AGBL1: variants seen among roughly 807,000 people sequenced by gnomAD.
AGBL1 encodes the protein AGBL carboxypeptidase 1, also known as cytosolic carboxypeptidase 4.
Under a neutral mutation model 118.9 loss-of-function variants are expected in AGBL1, and 130 were observed. The ratio of observed to expected loss-of-function variants is 1.09; its 90% CI spans 0.95 to 1.26. The LOEUF (loss-of-function observed/expected upper bound fraction) is 1.26, where lower values mean the gene tolerates loss of function less well. Among genes scored for constraint, AGBL1 ranks in the 50% most tolerant of loss-of-function variants. AGBL1 has a pLI of 0.00. For missense variants in AGBL1, 1,584 were observed against 1,298.1 expected (o/e 1.22, Z -3.38); for synonymous variants, 555 against 478.9 (o/e 1.16, Z -2.08).
intron 22 of AGBL1, among the ~76,000 whole-genome samples, chr15:86,903,065 T>G (rs957835013): frequency 7.2e-5 from 11 of 152,138 alleles, no homozygotes; most frequent in Non-Finnish European, 1.3e-4. Context: ...CTACAGGATC[T>G]TAATGTTCTC....
At chr15:86,186,614 A>G (rs1266755713) in intron 5 of AGBL1, among the ~76,000 whole-genome samples, 1 of 152,172 alleles carries the variant, frequency 6.6e-6, no homozygotes, top group Admixed American at 6.5e-5. Flanking sequence ...TTTATTCTCG[A>G]GAGCCAGGCT....
intron 24 of AGBL1, among the ~76,000 whole-genome samples, chr15:87,006,083 T>C (rs2081498514): frequency 6.6e-6 from 1 of 152,112 alleles, no homozygotes; most frequent in Non-Finnish European, 1.5e-5. Context: ...ACCCAGCCGT[T>C]TGAGGTATCA....
chr15:86,081,324 A>G (rs548922937), intron 1 of AGBL1, among the ~76,000 whole-genome samples: 4 of 152,330 alleles, frequency 2.6e-5, no homozygotes, highest in Admixed American at 2.0e-4. Context: ...TACAGGCGTG[A>G]GCCACTGTAC....
At chr15:86,217,731 A>C (rs2078212593) in intron 5 of AGBL1, among the ~76,000 whole-genome samples, 1 of 152,214 alleles carries the variant, frequency 6.6e-6, no homozygotes. Context: ...GTCTTGGAAA[A>C]AGAACAGTGG....
intron 16 of AGBL1, among the ~76,000 whole-genome samples, chr15:86,294,862 G>A (rs1168824898): frequency 6.6e-6 from 1 of 152,086 alleles, no homozygotes; most frequent in African/African-American, 2.4e-5. Flanking sequence ...CCCAAATGAC[G>A]TACATTGTAG....
intron 22 of AGBL1, among the ~76,000 whole-genome samples, chr15:86,758,191 T>A (rs114131454): frequency 1.3e-3 from 195 of 152,186 alleles, no homozygotes; most frequent in African/African-American, 4.6e-3. Flanking sequence ...TGTGATACCA[T>A]AAGACTATTT....
At chr15:86,083,058 A>G (rs892334371) in intron 1 of AGBL1, among the ~76,000 whole-genome samples, 4 of 152,090 alleles carry the variant, frequency 2.6e-5, no homozygotes, top group Non-Finnish European at 4.4e-5. Flanking sequence ...GCGCTTGTAA[A>G]CTCTAAATGG....
intron 22 of AGBL1, among the ~76,000 whole-genome samples, chr15:86,732,380 T>A (rs1412595928): frequency 6.6e-6 from 1 of 152,204 alleles, no homozygotes; most frequent in African/African-American, 2.4e-5. Context: ...GTGATGTGAT[T>A]TTACAACTGT....
At chr15:86,642,414 T>C (rs2142471239) in intron 21 of AGBL1, among the ~76,000 whole-genome samples, 1 of 152,332 alleles carries the variant, frequency 6.6e-6, no homozygotes, top group East Asian at 1.9e-4. Flanking sequence ...TGACGAGACA[T>C]GGTAATTAAC....
At chr15:86,100,326 G>A (rs1896636648) in intron 1 of AGBL1, among the ~76,000 whole-genome samples, 1 of 152,030 alleles carries the variant, frequency 6.6e-6, no homozygotes, top group Non-Finnish European at 1.5e-5. Flanking sequence ...TTAGTATCAG[G>A]GTAATGCTGA....
intron 17 of AGBL1, among the ~76,000 whole-genome samples, chr15:86,311,244 T>G (rs1339423352): frequency 1.3e-5 from 2 of 152,240 alleles, no homozygotes; most frequent in African/African-American, 2.4e-5. Flanking sequence ...TTTTTGTTGT[T>G]TCCTTTGGCA....
chr15:86,367,630 T>C lies in AGBL1; in HGVS notation c.2375-29736T>C, dbSNP rs556176720. Among the ~76,000 whole-genome samples, 45 of 151,660 alleles carry C rather than the reference T, an allele frequency of 3.0e-4. No homozygotes were observed. In the South Asian group the frequency reaches 7.3e-3, roughly 25 times the overall value. On this transcript the variant is annotated intron_variant, in intron 17 of 22. Coordinates refer to ENST00000614907, the MANE Select transcript of AGBL1 (RefSeq NM_001386094.1). ...GTTTCTTTTACCAGAAGAAAAGAGA[T>C]GCATGGTAGGGAGGAAGGCAGGAAA...
rs138338610 is a variant in AGBL1, at chr15:86,514,870, T to C, written c.2556-7940T>C. 9.2e-3 allele frequency among the ~76,000 whole-genome samples: 1,409 copies of C among 152,332 alleles called. 20 individuals carry two copies. Among genetic ancestry groups the C allele is most frequent in the African/African-American group, 0.03 (1,254 of 41,576 alleles). ...TATGCTATTTTATCCCTTAACTGTATATTTTTATTTGTAAAAGTTATATTT... is the reference window on the plus strand; with the variant it reads ...TATGCTATTTTATCCCTTAACTGTACATTTTTATTTGTAAAAGTTATATTT... On this transcript the variant is annotated intron_variant, in intron 18 of 22. Coordinates refer to ENST00000614907, the MANE Select transcript of AGBL1 (RefSeq NM_001386094.1).
Position 86,893,687 on chromosome 15 carries a change from G to A in AGBL1, c.3159-13400G>A, listed in dbSNP as rs557937460. ...TGCATTTATATAGGTTTATGTTTGA[G>A]GATGAGGATGGTGAACTTGCCAGGA... On this transcript the variant is annotated intron_variant, in intron 22 of 22. Coordinates refer to ENST00000614907, the MANE Select transcript of AGBL1 (RefSeq NM_001386094.1). Among the ~76,000 whole-genome samples, 5 of 152,238 alleles carry A rather than the reference G, an allele frequency of 3.3e-5. No individual in the cohort carries two copies. The East Asian group carries it at 9.7e-4, about 29-fold the overall frequency.
chr15:86,229,517 G>A (rs1049324733), intron 6 of AGBL1, among the ~76,000 whole-genome samples: 1 of 152,018 alleles, frequency 6.6e-6, no homozygotes, highest in African/African-American at 2.4e-5. Flanking sequence ...ATTTGGGCGG[G>A]GACACAGCCA....
intron 23 of AGBL1, among the ~76,000 whole-genome samples, chr15:86,925,408 T>C (rs1321456638): frequency 6.6e-6 from 1 of 152,090 alleles, no homozygotes; most frequent in African/African-American, 2.4e-5. Context: ...GGTGTGTAAT[T>C]ATAGGGCAAA....
chr15:86,937,452 G>GA (rs937701878), intron 23 of AGBL1, among the ~76,000 whole-genome samples: 2 of 152,202 alleles, frequency 1.3e-5, no homozygotes, highest in African/African-American at 4.8e-5. Context: ...ATACTCCATG[G>GA]AATACTATGC....
At chr15:86,310,582 C>T (rs2079905713) in intron 17 of AGBL1, among the ~76,000 whole-genome samples, 1 of 151,768 alleles carries the variant, frequency 6.6e-6, no homozygotes, top group Non-Finnish European at 1.5e-5. Flanking sequence ...GCAGGGGGCC[C>T]CTGGGGTGGA....
At chr15:86,220,183 A>G (rs931284767) in intron 5 of AGBL1, among the ~76,000 whole-genome samples, 1 of 151,952 alleles carries the variant, frequency 6.6e-6, no homozygotes, top group Non-Finnish European at 1.5e-5. Context: ...TGAACTCTTC[A>G]CCTTGTGATC....
Sources: allele counts gnomAD v4.1 joint callset (sites outside exome capture counted in the v4.1 genomes callset), GRCh38; gene constraint gnomAD v4.1.1; transcripts MANE v1.5; gene names NCBI Gene and HGNC (gene_info 2026-07-23, HGNC 2026-07-21).